Variants in CRYBG3 observed in about 807,000 individuals in gnomAD.
CRYBG3 encodes very large A-kinase anchor protein.
Under a neutral mutation model 244.2 loss-of-function variants are expected in CRYBG3, and 127 were observed. The observed-to-expected ratio is 0.52, with a 90% confidence interval of 0.45 to 0.60. The LOEUF (loss-of-function observed/expected upper bound fraction) is 0.60, where lower values mean the gene tolerates loss of function less well. Ranked by LOEUF, CRYBG3 falls within the 20% of genes least tolerant of loss-of-function variation. The pLI, the probability that CRYBG3 is intolerant of heterozygous loss-of-function variation, is 0.00. For synonymous variants in CRYBG3, 1,132 were observed against 1,195.8 expected, an observed-to-expected ratio of 0.95 and a Z score of 1.10; for missense variants, 3,325 against 3,442.5, an observed-to-expected ratio of 0.97 and a Z score of 0.85.
chr3:97,886,861 GT>G, intron 8 of CRYBG3, 94 bp downstream of exon 8: 1 of 1,079,380 alleles, frequency 9.3e-7, no homozygotes, highest in Non-Finnish European at 1.3e-6. Context: ...TCTAGCTAAT[GT>G]TTATACTCTC....
Position 97,875,842 on chromosome 3 carries a change from A to G in CRYBG3, c.4648A>G (p.Asn1550Asp). The G allele has an allele frequency of 8.1e-7, 1 of 1,232,036 alleles. No homozygotes were observed. The highest frequency in any genetic ancestry group is 1.0e-6 in the Non-Finnish European group (1 of 987,908). The allele number at this position is 1,232,036 out of a possible 1,614,324, so 76.3% of individuals were successfully genotyped here. A position where few individuals can be genotyped will look rare whatever the true frequency, so the allele number is the denominator to read the frequency against. Residue 1550 changes from asparagine to aspartate, a missense_variant, in exon 4 of 22, where the codon AAC (asparagine) becomes GAC (aspartate). Asn to Asp is a conservative substitution (Grantham distance 23, BLOSUM62 1). This residue lies in a region of CRYBG3 where 635 missense variants were observed against 771.7 expected (regional missense o/e 0.82). Transcript: ENST00000389622. ...TTCCATGTTAGAAACAGGGAAAACAAACAAAAAGGATGCTGAATTGAATAT... is the reference window on the plus strand; with the variant it reads ...TTCCATGTTAGAAACAGGGAAAACAGACAAAAAGGATGCTGAATTGAATAT... ...IPSMLETGKT[N>D]KKDAELNILK...
chr3:97,931,457 G>A (rs568390054), intron 17 of CRYBG3, among the ~76,000 whole-genome samples: 1 of 152,180 alleles, frequency 6.6e-6, no homozygotes, highest in Non-Finnish European at 1.5e-5. Context: ...GTGTATGTCA[G>A]TGCAGTTCTA....
intron 2 of CRYBG3, among the ~76,000 whole-genome samples, chr3:97,852,531 G>A (rs2039001011): frequency 6.6e-6 from 1 of 152,148 alleles, no homozygotes; most frequent in Non-Finnish European, 1.5e-5. Context: ...TAACTCCTTT[G>A]TAACGAGGTT....
chr3:97,892,367 G>C (rs988612130), intron 10 of CRYBG3, among the ~76,000 whole-genome samples: 27 of 152,016 alleles, frequency 1.8e-4, no homozygotes, highest in South Asian at 2.1e-4. Flanking sequence ...CTTTCAAATT[G>C]ACGCGGATGG....
intron 1 of CRYBG3, among the ~76,000 whole-genome samples, chr3:97,830,657 CTT>C (rs771275941): frequency 6.6e-6 from 1 of 152,128 alleles, no homozygotes; most frequent in Non-Finnish European, 1.5e-5. Flanking sequence ...TTAGTCTTCT[CTT>C]TAATTCTGGA....
intron 1 of CRYBG3, among the ~76,000 whole-genome samples, chr3:97,825,934 A>G (rs1372595209): frequency 6.6e-6 from 1 of 152,246 alleles, no homozygotes; most frequent in Non-Finnish European, 1.5e-5. Flanking sequence ...TTTGTTTTCT[A>G]AATTGTCATG....
chr3:97,833,120 G>A (rs982404612), intron 1 of CRYBG3, among the ~76,000 whole-genome samples: 5 of 152,194 alleles, frequency 3.3e-5, no homozygotes, highest in East Asian at 1.9e-4. Context: ...TGGTGGGAGT[G>A]TAAATTAGGT....
chr3:97,864,404 C>G lies in CRYBG3; in HGVS notation c.404C>G (p.Ser135Ter), dbSNP rs1180470104. ...LGNLFNISGKSSLGEAKQSSF... is the reference protein window; with the variant it reads ...LGNLFNISGK ...AACTTATTCAATATCTCGGGGAAAT[C>G]ATCTCTAGGTGAAGCTAAGCAGTCT... Residue 135 changes from serine (S) to a stop codon, truncating the protein, a stop_gained, in exon 3 of 22, where the codon TCA (serine) becomes TGA (stop). Transcript: ENST00000389622. LOFTEE classifies it high-confidence loss of function. The G allele has an allele frequency of 2.0e-6, 3 of 1,535,824 alleles. No homozygotes were observed. Among genetic ancestry groups the G allele is most frequent in the Middle Eastern group, 1.7e-4 (1 of 5,990 alleles).
intron 8 of CRYBG3, 88 bp from the exon 9 acceptor site, chr3:97,888,253 G>GT (rs2039532449): frequency 1.2e-5 from 9 of 734,282 alleles, no homozygotes; most frequent in Non-Finnish European, 1.6e-5. Context: ...GGAGGATTTT[G>GT]TTTTTTTATT....
intron 3 of CRYBG3, among the ~76,000 whole-genome samples, 167 bp from the exon 4 acceptor site, chr3:97,871,675 A>G (rs754312149): frequency 1.3e-5 from 2 of 152,182 alleles, no homozygotes; most frequent in Admixed American, 6.5e-5. Flanking sequence ...TTAAATTTTT[A>G]TTATTTTTAA....
At chr3:97,835,082 C>A (rs372314721) in intron 1 of CRYBG3, among the ~76,000 whole-genome samples, 1 of 151,956 alleles carries the variant, frequency 6.6e-6, no homozygotes, top group East Asian at 1.9e-4. Flanking sequence ...GAATTTTTTT[C>A]ACTTAACAAT....
intron 3 of CRYBG3, among the ~76,000 whole-genome samples, chr3:97,865,213 A>G (rs1406180214): frequency 6.6e-6 from 1 of 152,186 alleles, no homozygotes; most frequent in Non-Finnish European, 1.5e-5. Context: ...GGTAGAAGGA[A>G]TATTTTGTAA....
At chr3:97,901,693 G>A (rs917928673) in intron 15 of CRYBG3, among the ~76,000 whole-genome samples, 2 of 152,212 alleles carry the variant, frequency 1.3e-5, no homozygotes, top group South Asian at 2.1e-4. Context: ...CACATTTTTT[G>A]AGTTCTAAGT....
chr3:97,872,224 A>G lies in CRYBG3; in HGVS notation c.1030A>G (p.Asn344Asp). 1 of 1,535,874 alleles carries G rather than the reference A, an allele frequency of 6.5e-7. No homozygotes were observed. The highest frequency in any genetic ancestry group is 8.7e-7 in the Non-Finnish European group (1 of 1,146,728). ...AAATGCTTGGGGGAGTATTGAGAGA[A>G]ATAGGTCATCCCCTTCTTCTGTGAC... ...NKNAWGSIERNRSSPSSVTNS... is the reference protein window; with the variant it reads ...NKNAWGSIERDRSSPSSVTNS... The change falls in exon 4 of 22, where the codon AAT becomes GAT. Residue 344 changes from asparagine (N) to aspartate (D), a missense_variant. By Grantham distance (23) the Asn-to-Asp change is conservative. Transcript: ENST00000389622.
At chr3:97,929,278 T>C (rs1229532957) in intron 17 of CRYBG3, among the ~76,000 whole-genome samples, 1 of 152,016 alleles carries the variant, frequency 6.6e-6, no homozygotes, top group Non-Finnish European at 1.5e-5. Context: ...TCAAATATTT[T>C]TTTTTTTATG....
intron 1 of CRYBG3, among the ~76,000 whole-genome samples, chr3:97,830,406 T>C (rs1559711159): frequency 6.6e-6 from 1 of 152,150 alleles, no homozygotes; most frequent in African/African-American, 2.4e-5. Context: ...GCTTGCTGTA[T>C]TGATCTCTCT....
At chr3:97,882,805 C>CT (rs750693928) in intron 7 of CRYBG3, among the ~76,000 whole-genome samples, 7 of 152,128 alleles carry the variant, frequency 4.6e-5, no homozygotes, top group Non-Finnish European at 8.8e-5. Context: ...CAGAAAAACT[C>CT]TAAGTTATAA....
intron 1 of CRYBG3, among the ~76,000 whole-genome samples, chr3:97,828,355 A>G (rs959654693): frequency 6.6e-6 from 1 of 152,194 alleles, no homozygotes; most frequent in Non-Finnish European, 1.5e-5. Flanking sequence ...GAAGTTAGTC[A>G]TTGCAGCATT....
rs769066393 is a variant in CRYBG3 at position 97,879,738 on chromosome 3, G to C, written c.6878G>C (p.Arg2293Thr). ...AAACAAACTCTGAGATGTAACCCAA[G>C]ACCTGGGAAGGTAAGGATAACTTTC... ...VDKQTLRCNP[R>T]PGKMVIYDLH... Residue 2293 changes from arginine (R) to threonine (T), a missense_variant, in exon 5 of 22, where the codon AGA becomes ACA. Physicochemically the swap from Arg to Thr is moderately conservative, Grantham distance 71. Around this residue, in one of 4 missense-constraint regions of CRYBG3, gnomAD observed 714 missense variants for 803.6 expected, o/e 0.89. Coordinates refer to ENST00000389622, the MANE Select transcript of CRYBG3 (RefSeq NM_153605.4). 2 of 1,603,858 alleles carry C rather than the reference G, an allele frequency of 1.2e-6. No homozygotes were observed. The highest frequency in any genetic ancestry group is 1.7e-6 in the Non-Finnish European group (2 of 1,175,006).
Sources: gnomAD v4.1 joint callset for allele counts (sites outside exome capture counted in the v4.1 genomes callset) on GRCh38, gnomAD v4.1.1 for gene constraint, gnomAD v4.1.1 regional missense constraint, MANE v1.5 for transcripts, NCBI Gene and HGNC (gene_info 2026-07-23, HGNC 2026-07-21) for gene names.